The following AFAP1 variants were observed in gnomAD, a reference collection of about 807,000 sequenced individuals.
The protein encoded by AFAP1 is actin filament-associated protein 1.
Under a neutral mutation model 93.9 loss-of-function variants are expected in AFAP1, and 75 were observed. The observed-to-expected ratio is 0.80, with a 90% CI of 0.66 to 0.97. The LOEUF (loss-of-function observed/expected upper bound fraction) is 0.97, where lower values mean the gene tolerates loss of function less well. Among genes scored for constraint, AFAP1 ranks in the 50% least tolerant of loss-of-function variants. The pLI is 0.00. For missense variants in AFAP1, 1,201 were observed against 1,050.8 expected, an observed-to-expected ratio of 1.14 and a Z score of -1.98; for synonymous variants, 517 against 430.7, an observed-to-expected ratio of 1.20 and a Z score of -2.48.
chr4:7,817,561 A>G (rs938135404), intron 7 of AFAP1, among the ~76,000 whole-genome samples: 2 of 152,206 alleles, frequency 1.3e-5, no homozygotes, highest in African/African-American at 4.8e-5. Flanking sequence ...ATTGCACTCC[A>G]GCCTGGGCAA....
At position 7,939,139 on chromosome 4, in the gene AFAP1, A is replaced by C; in HGVS notation, c.-3+517T>G. On this transcript the variant is annotated intron_variant, in intron 1 of 17. Coordinates refer to ENST00000420658, the MANE Select transcript of AFAP1 (RefSeq NM_001134647.2). The surrounding 1 kb of genome is among the most constrained non-coding windows in gnomAD (Gnocchi z 5.6). ...CGCGTGGGTCCACGCAACAACCTATAGGTGACAAAACACTCAGGAAGCCGT... is the reference window on the plus strand; with the variant it reads ...CGCGTGGGTCCACGCAACAACCTATCGGTGACAAAACACTCAGGAAGCCGT... 1 of 181,976 alleles carries C rather than the reference A, an allele frequency of 5.5e-6. No homozygotes were observed. The highest frequency in any genetic ancestry group is 1.2e-5 in the Non-Finnish European group (1 of 85,282). 11.3% of individuals were successfully genotyped at this position (181,976 alleles called of 1,614,324 possible).
intron 17 of AFAP1, 94 bp from the exon 18 acceptor site, chr4:7,763,885 G>T: frequency 7.7e-7 from 1 of 1,294,132 alleles, no homozygotes; most frequent in Non-Finnish European, 1.1e-6. Flanking sequence ...GAGGGGGTGG[G>T]TGCTCGGCTA....
intron 4 of AFAP1, among the ~76,000 whole-genome samples, chr4:7,845,491 G>A (rs1334995373): frequency 6.6e-6 from 1 of 152,100 alleles, no homozygotes; most frequent in Non-Finnish European, 1.5e-5. Context: ...GGTAACTTTG[G>A]CAATGGCACT....
intron 1 of AFAP1, among the ~76,000 whole-genome samples, chr4:7,893,177 A>T (rs1325346592): frequency 6.6e-6 from 1 of 152,198 alleles, no homozygotes; most frequent in Non-Finnish European, 1.5e-5. Flanking sequence ...GGCTAGCAAC[A>T]TCCCCTTTCC....
Position 7,763,540 on chromosome 4 carries a change from A to G in AFAP1, c.*225T>C, listed in dbSNP as rs1714106494. On this transcript the variant is annotated 3_prime_UTR_variant, in exon 18 of 18. Transcript: ENST00000420658. Reference sequence around the variant, plus strand: ...TTTCCATCACTTTTTTTGTTTTTTAACAAAGTTGGGAACCAAAGTCTTACA... The same window carrying G: ...TTTCCATCACTTTTTTTGTTTTTTAGCAAAGTTGGGAACCAAAGTCTTACA... The G allele has an allele frequency of 3.6e-6, 2 of 562,588 alleles. No homozygotes were observed. Among genetic ancestry groups the G allele is most frequent in the Non-Finnish European group, 6.2e-6 (2 of 320,976 alleles). The allele number at this position is 562,588 out of a possible 1,614,324, so 34.8% of individuals were successfully genotyped here. A position where few individuals can be genotyped will look rare whatever the true frequency, so the allele number is the denominator to read the frequency against.
At chr4:7,932,244 A>G (rs141660803) in intron 1 of AFAP1, among the ~76,000 whole-genome samples, 2 of 151,932 alleles carry the variant, frequency 1.3e-5, no homozygotes, top group African/African-American at 4.8e-5. Context: ...AAAAAAAATC[A>G]AAAACACCCA....
rs116548092 is a variant in AFAP1, at chr4:7,834,627, T to C, written c.726+3897A>G. On this transcript the variant is annotated intron_variant, in intron 6 of 17. Transcript: ENST00000420658. ...GCCTGGGCCAAAATCCAGAAGAAGA[T>C]GGAAATTCAGAAGGGAAGCCTGGTG... 8.0e-3 allele frequency among the ~76,000 whole-genome samples: 1,224 copies of C among 152,256 alleles called. 9 individuals carry two copies. The highest frequency in any genetic ancestry group is 0.026 in the African/African-American group (1,095 of 41,550).
At chr4:7,770,468 ACTGCAAGCATG>A (rs759892290) in intron 16 of AFAP1, among the ~76,000 whole-genome samples, 4 of 152,318 alleles carry the variant, frequency 2.6e-5, no homozygotes, top group East Asian at 1.9e-4. Flanking sequence ...GGCAGAGGAC[ACTGCAAGCATG>A]CTGCAAGCAT....
chr4:7,916,121 T>C (rs73088357), intron 1 of AFAP1, among the ~76,000 whole-genome samples: 107 of 152,294 alleles, frequency 7.0e-4, no homozygotes, highest in African/African-American at 2.4e-3. Context: ...CAGGAGCACC[T>C]TGAAATGGGC....
chr4:7,843,014 C>T, intron 5 of AFAP1, 125 bp downstream of exon 5: 3 of 1,084,148 alleles, frequency 2.8e-6, no homozygotes, highest in East Asian at 2.5e-5. Context: ...TAGCTCAGGG[C>T]ACCTGGCTGA....
chr4:7,902,704 C>T (rs6831381), intron 1 of AFAP1, among the ~76,000 whole-genome samples: 105,835 of 152,108 alleles, frequency 0.7, 37,125 homozygotes, highest in Non-Finnish European at 0.75. Flanking sequence ...TTCTCCATTG[C>T]GGTTACACAT....
rs373211532 is a variant in AFAP1, at chr4:7,822,647, C to G, written c.727-3476G>C. Among the ~76,000 whole-genome samples, 18 of 148,954 alleles carry G rather than the reference C, an allele frequency of 1.2e-4. 1 individual carries two copies. The highest frequency in any genetic ancestry group is 8.0e-4 in the Admixed American group (12 of 14,962). On this transcript the variant is annotated intron_variant, in intron 6 of 17. Transcript: ENST00000420658. ...TCGCCCAGGCTGGAGTGCAGTGGCA[C>G]GATCTCGGCTCACTGCAAGCTCCGC...
At chr4:7,830,007 G>A (rs527416041) in intron 6 of AFAP1, among the ~76,000 whole-genome samples, 204 of 152,224 alleles carry the variant, frequency 1.3e-3, no homozygotes, top group African/African-American at 4.7e-3. Flanking sequence ...TTGAAGTATG[G>A]TCTATTCATA....
chr4:7,798,076 C>A (rs1450796459), intron 10 of AFAP1, among the ~76,000 whole-genome samples: 1 of 100,086 alleles, frequency 1.0e-5, no homozygotes, highest in East Asian at 2.6e-4. Flanking sequence ...GTATAGATTG[C>A]AACTCTATTG....
chr4:7,844,956 T>C (rs898200484), intron 4 of AFAP1, among the ~76,000 whole-genome samples: 1 of 152,232 alleles, frequency 6.6e-6, no homozygotes, highest in African/African-American at 2.4e-5. Context: ...TGCAATACTG[T>C]GCAAAATGGC....
At chr4:7,825,233 T>C (rs1237022595) in intron 6 of AFAP1, among the ~76,000 whole-genome samples, 1 of 152,158 alleles carries the variant, frequency 6.6e-6, no homozygotes, top group African/African-American at 2.4e-5. Context: ...GTTAATGGTA[T>C]TCCAGGAATG....
At chr4:7,855,188 T>C (rs1714906694) in intron 4 of AFAP1, among the ~76,000 whole-genome samples, 1 of 152,194 alleles carries the variant, frequency 6.6e-6, no homozygotes, top group Non-Finnish European at 1.5e-5. Context: ...AAAGAGCCAT[T>C]TCTCTTCCGC....
At chr4:7,849,050 G>T (rs1220975603) in intron 4 of AFAP1, among the ~76,000 whole-genome samples, 1 of 152,182 alleles carries the variant, frequency 6.6e-6, no homozygotes, top group Non-Finnish European at 1.5e-5. Flanking sequence ...AATGACACAA[G>T]AATCTATCTT....
At chr4:7,817,384 C>T (rs993943352) in intron 7 of AFAP1, among the ~76,000 whole-genome samples, 10 of 152,136 alleles carry the variant, frequency 6.6e-5, no homozygotes, top group Non-Finnish European at 1.5e-4. Context: ...AGATGTATCA[C>T]GAGGTCAGGA....
Sources: gnomAD v4.1 joint callset for allele counts (sites outside exome capture counted in the v4.1 genomes callset) on GRCh38, gnomAD v4.1.1 for gene constraint, Gnocchi (gnomAD v3.1) non-coding constraint, MANE v1.5 for transcripts, NCBI Gene and HGNC (gene_info 2026-07-23, HGNC 2026-07-21) for gene names.